BAG6: variants seen among roughly 807,000 people sequenced by gnomAD.
BAG6 encodes BAG cochaperone 6, also known as large proline-rich protein BAG6.
In BAG6, 22 loss-of-function variants were observed where a neutral mutation model predicts 121.0. That is an observed-to-expected ratio of 0.18 (90% CI 0.13 to 0.26). The LOEUF is 0.26. BAG6 is among the 10% of genes least tolerant of loss of function. The pLI, the probability that BAG6 is intolerant of heterozygous loss-of-function variation, is 1.00. For missense variants in BAG6, 1,233 were observed against 1,537.7 expected (o/e 0.80, Z 3.31); for synonymous variants, 583 against 584.6 (o/e 1.00, Z 0.04).
At position 31,649,505 on chromosome 6, in the gene BAG6, C is replaced by T; in HGVS notation, c.226+5G>A. On this transcript the variant is annotated splice_donor_5th_base_variant and intron_variant, in intron 3 of 25. Coordinates refer to ENST00000676615, the MANE Select transcript of BAG6 (RefSeq NM_001387994.1). ...ACCTCTGAACTGCCTCCCCAGCCCC[C>T]TTACTGTATTCCTGAAGCTTCTTAT... 1 of 1,614,160 alleles carries T rather than the reference C, an allele frequency of 6.2e-7. No homozygotes were observed. The highest frequency in any genetic ancestry group is 8.5e-7 in the Non-Finnish European group (1 of 1,179,960).
Position 31,644,884 on chromosome 6 carries a change from A to G in BAG6, c.1369+62T>C. On this transcript the variant is annotated intron_variant, in intron 10 of 25. Transcript: ENST00000676615. This position sits in a 1 kb window ranked among gnomAD's most constrained non-coding sequence, Gnocchi z 4.9. ...TCCCTTCCCCACCCTGTTCCCTCAC[A>G]CCTCAGCATGAACCTCCCTCATCAT... 2 of 1,535,524 alleles carry G rather than the reference A, an allele frequency of 1.3e-6. No individual in the cohort carries two copies. Among genetic ancestry groups the G allele is most frequent in the Non-Finnish European group, 1.8e-6 (2 of 1,141,888 alleles).
intron 24 of BAG6, chr6:31,639,869 A>T (rs1780819166): frequency 1.5e-6 from 1 of 667,088 alleles, no homozygotes; most frequent in Non-Finnish European, 2.5e-6. Flanking sequence ...TGCTCTTCAA[A>T]ACGAAAGGCA....
chr6:31,644,867 C>T lies in BAG6; in HGVS notation c.1369+79G>A, dbSNP rs1037644726. 6.5e-7 allele frequency: 1 copy of T among 1,531,538 alleles called. No individual in the cohort carries two copies. The highest frequency in any genetic ancestry group is 1.4e-5 in the African/African-American group (1 of 72,572). The allele number at this position is 1,531,538 out of a possible 1,614,324, so 94.9% of individuals were successfully genotyped here. A position where few individuals can be genotyped will look rare whatever the true frequency, so the allele number is the denominator to read the frequency against. On this transcript the variant is annotated intron_variant, in intron 10 of 25. Transcript: ENST00000676615. The surrounding 1 kb of genome is among the most constrained non-coding windows in gnomAD (Gnocchi z 4.9). ...CCACCAGCATGTGCCTCTCCCTTCC[C>T]CACCCTGTTCCCTCACACCTCAGCA...
In BAG6 at chr6:31,639,470, GACCATCCCTATTCTGCTTCAAGGTGGC is replaced by G; in HGVS notation, c.3393+3_3393+29del. On this transcript the variant is annotated splice_donor_5th_base_variant and intron_variant, in intron 25 of 25. Coordinates refer to ENST00000676615, the MANE Select transcript of BAG6 (RefSeq NM_001387994.1). The stretch of plus-strand genomic sequence containing the variant: ...GACCCTAGCCCAACCCCTCCCACTA[GACCATCCCTATTCTGCTTCAAGGTGGC>G]ACCTGCTGCCTGTAGCTCTCCTGAA... The G allele has an allele frequency of 6.2e-7, 1 of 1,601,400 alleles. No homozygotes were observed.
chr6:31,650,315 C>G (rs1263591714), intron 2 of BAG6, among the ~76,000 whole-genome samples: 1 of 151,882 alleles, frequency 6.6e-6, no homozygotes, highest in African/African-American at 2.4e-5. Flanking sequence ...TAAAAAATGG[C>G]AAAGAAGATG....
chr6:31,642,073 C>T (rs1228098368), intron 16 of BAG6, 39 bp downstream of exon 16: 1 of 1,600,934 alleles, frequency 6.2e-7, no homozygotes, highest in Admixed American at 1.7e-5. Flanking sequence ...CCTCTGGCTG[C>T]CCCTTCCTGG....
Position 31,639,209 on chromosome 6 carries a change from T to C in BAG6, c.3411A>G (p.Gln1137=), listed in dbSNP as rs915673336. ...AGTTGGGGTCTTCCTGCAGTCGTTT[T>C]TGTATATCAGACCGGAGCTAAAGAG... ...SYRQQLRSDI[Q]KRLQEDPNYS... is the part of the protein sequence containing the mutation. The change falls in exon 26 of 26, where the codon CAA becomes CAG. Residue 1137 remains glutamine (Q), a synonymous_variant. Transcript: ENST00000676615. 1.2e-6 allele frequency: 2 copies of C among 1,613,744 alleles called. No individual in the cohort carries two copies. The highest frequency in any genetic ancestry group is 1.7e-4 in the Middle Eastern group (1 of 6,030).
intron 7 of BAG6, among the ~76,000 whole-genome samples, chr6:31,646,930 T>A (rs1287986295): frequency 6.6e-6 from 1 of 151,942 alleles, no homozygotes; most frequent in Non-Finnish European, 1.5e-5. Context: ...CCCGCCACCA[T>A]GCCCAGCTAA....
Position 31,640,049 on chromosome 6 carries a change from G to T in BAG6, c.3246+150C>A. 1 of 763,684 alleles carries T rather than the reference G, an allele frequency of 1.3e-6. No individual in the cohort carries two copies. The highest frequency in any genetic ancestry group is 1.8e-5 in the South Asian group (1 of 56,398). 47.3% of individuals were successfully genotyped at this position (763,684 alleles called of 1,614,324 possible). On this transcript the variant is annotated intron_variant, in intron 24 of 25. Transcript: ENST00000676615. The surrounding 1 kb of genome is among the most constrained non-coding windows in gnomAD (Gnocchi z 4.2). Reference sequence around the variant, plus strand: ...CTGTATGGTTATGCAACAACCAAGAGCAAGTCTGAATCCCAGAAAAAGTTT... The same window carrying T: ...CTGTATGGTTATGCAACAACCAAGATCAAGTCTGAATCCCAGAAAAAGTTT...
intron 1 of BAG6, 104 bp downstream of exon 1, chr6:31,652,320 A>AACACATACAC (rs1554157167): frequency 8.2e-6 from 1 of 121,718 alleles, no homozygotes; most frequent in Non-Finnish European, 1.8e-5. Flanking sequence ...CCCACAGCCA[A>AACACATACAC]ACACACACAC....
At position 31,641,903 on chromosome 6, in the gene BAG6, G is replaced by A; in HGVS notation, c.2378C>T (p.Ser793Phe). The A allele has an allele frequency of 6.2e-7, 1 of 1,613,008 alleles. No homozygotes were observed. Among genetic ancestry groups the A allele is most frequent in the Non-Finnish European group, 8.5e-7 (1 of 1,180,042 alleles). The part of the protein sequence containing the change: ...ALLSLLCQNF[S>F]MVDVVMLLHG... ...GAGAAGCATCACTACGTCCACCATA[G>A]AGAAGTTCTGGCACAGAAGAGAAAG... The change falls in exon 17 of 26, where the codon TCT becomes TTT. Residue 793 changes from serine (S) to phenylalanine (F), a missense_variant. This residue lies in a region of BAG6 where 288 missense variants were observed against 483.1 expected (regional missense o/e 0.60). Transcript: ENST00000676615. The surrounding 1 kb of genome is among the most constrained non-coding windows in gnomAD (Gnocchi z 5.7).
intron 2 of BAG6, among the ~76,000 whole-genome samples, chr6:31,650,760 G>A (rs1264005186): frequency 2.0e-5 from 3 of 151,700 alleles, no homozygotes; most frequent in African/African-American, 4.8e-5. Flanking sequence ...CTAATCACAA[G>A]TCTATATATG....
chr6:31,649,426 A>G, intron 3 of BAG6, 31 bp from the exon 4 acceptor site: 1 of 1,607,218 alleles, frequency 6.2e-7, no homozygotes. Context: ...ACCAAAACAT[A>G]GTATGAACAG....
At chr6:31,639,451 A>G in intron 25 of BAG6, 49 bp downstream of exon 25, 10 of 1,582,106 alleles carry the variant, frequency 6.3e-6, no homozygotes, top group Non-Finnish European at 8.6e-6. Context: ...GAGGGACCCT[A>G]GCCCAACCCC....
Position 31,644,268 on chromosome 6 carries a change from T to C in BAG6, c.1555+39A>G, listed in dbSNP as rs1001678462. ...TTGCCAGCCAGCTGCCACCATGGAC[T>C]GTGCCCTACCTCCCAAGCCTCCCCT... On this transcript the variant is annotated intron_variant, in intron 12 of 25. Transcript: ENST00000676615. This position sits in a 1 kb window ranked among gnomAD's most constrained non-coding sequence, Gnocchi z 4.9. 2 of 1,559,112 alleles carry C rather than the reference T, an allele frequency of 1.3e-6. No homozygotes were observed. The highest frequency in any genetic ancestry group is 1.7e-6 in the Non-Finnish European group (2 of 1,151,254).
At position 31,647,754 on chromosome 6, in the gene BAG6, C is replaced by T. The variant is rs1791414615; in HGVS notation, c.625G>A (p.Ala209Thr). 1 of 1,603,752 alleles carries T rather than the reference C, an allele frequency of 6.2e-7. No homozygotes were observed. Among genetic ancestry groups the T allele is most frequent in the African/African-American group, 1.3e-5 (1 of 74,256 alleles). Residue 209 changes from alanine to threonine, a missense_variant, in exon 7 of 26, where the codon GCC (alanine) becomes ACC (threonine). Physicochemically the swap from Ala to Thr is moderately conservative, Grantham distance 58. This residue lies in a region of BAG6 where 777 missense variants were observed against 861.4 expected (regional missense o/e 0.90). Coordinates refer to ENST00000676615, the MANE Select transcript of BAG6 (RefSeq NM_001387994.1). ...GGTTCTGATGTTTGAGAGCTCAAGG[C>T]TACTGGCTCCGGGGTCACAGCCGGT... ...QPPAVTPEPV[A>T]LSSQTSEPVE... is the part of the protein sequence containing the mutation.
chr6:31,640,858 C>T lies in BAG6; in HGVS notation c.2868G>A (p.Leu956=), dbSNP rs781019721. 2 of 1,612,704 alleles carry T rather than the reference C, an allele frequency of 1.2e-6. No homozygotes were observed. Among genetic ancestry groups the T allele is most frequent in the Non-Finnish European group, 1.7e-6 (2 of 1,180,038 alleles). Reference sequence around the variant, plus strand: ...CATCAGGGCCTACAGGCATGTGCTCCAGTACCACCTGAAGCCTCAGTCCCA... The same window carrying T: ...CATCAGGGCCTACAGGCATGTGCTCTAGTACCACCTGAAGCCTCAGTCCCA... The part of the protein sequence containing the change: ...TMMGLRLQVV[L]EHMPVGPDAI... Residue 956 remains leucine (L), a synonymous_variant, in exon 21 of 26, where the codon CTG becomes CTA. Coordinates refer to ENST00000676615, the MANE Select transcript of BAG6 (RefSeq NM_001387994.1). The surrounding 1 kb of genome is among the most constrained non-coding windows in gnomAD (Gnocchi z 4.2).
rs562648062 is a variant in BAG6 at position 31,652,017 on chromosome 6, A to T, written c.-13-241T>A. The T allele has an allele frequency of 1.4e-4, 66 of 463,712 alleles. 1 individual carries two copies. Among genetic ancestry groups the T allele is most frequent in the Non-Finnish European group, 3.6e-5 (9 of 249,718 alleles). The allele number at this position is 463,712 out of a possible 1,614,324, so 28.7% of individuals were successfully genotyped here. A position where few individuals can be genotyped will look rare whatever the true frequency, so the allele number is the denominator to read the frequency against. ...TGGGAGGGGCTCCACGACGCCAATCACAATAAGCAGGGAGCCAGTCAGATT... is the reference window on the plus strand; with the variant it reads ...TGGGAGGGGCTCCACGACGCCAATCTCAATAAGCAGGGAGCCAGTCAGATT... On this transcript the variant is annotated intron_variant, in intron 1 of 25. Transcript: ENST00000676615.
In BAG6 at chr6:31,641,905, G is replaced by A. The variant is rs1454367999; in HGVS notation, c.2376C>T (p.Phe792=). 4 of 1,613,012 alleles carry A rather than the reference G, an allele frequency of 2.5e-6. No individual in the cohort carries two copies. Among genetic ancestry groups the A allele is most frequent in the East Asian group, 4.5e-5 (2 of 44,884 alleles). The change falls in exon 17 of 26, where the codon TTC becomes TTT. Residue 792 remains phenylalanine, a synonymous_variant. Transcript: ENST00000676615. This position sits in a 1 kb window ranked among gnomAD's most constrained non-coding sequence, Gnocchi z 5.7. ...GALLSLLCQN[F]SMVDVVMLLH... The stretch of plus-strand genomic sequence containing the variant: ...GAAGCATCACTACGTCCACCATAGA[G>A]AAGTTCTGGCACAGAAGAGAAAGCA...
Sources: allele counts gnomAD v4.1 joint callset (sites outside exome capture counted in the v4.1 genomes callset), GRCh38; gene constraint gnomAD v4.1.1; regional missense constraint gnomAD v4.1.1; non-coding constraint Gnocchi (gnomAD v3.1); transcripts MANE v1.5; gene names NCBI Gene and HGNC (gene_info 2026-07-23, HGNC 2026-07-21).